MBD5: variants seen among roughly 807,000 people sequenced by gnomAD.
The protein encoded by MBD5 is methyl-CpG-binding domain protein 5.
MBD5 carries 13 observed loss-of-function variants against 117.3 expected under a neutral mutation model. The observed-to-expected ratio is 0.11, with a 90% CI of 0.07 to 0.18. The LOEUF is 0.18. Ranked by LOEUF, MBD5 falls within the 10% of genes least tolerant of loss-of-function variation. The pLI is 1.00. For synonymous variants in MBD5, 727 were observed against 766.4 expected, an observed-to-expected ratio of 0.95 and a Z score of 0.85; for missense variants, 1,879 against 2,093.8, an observed-to-expected ratio of 0.90 and a Z score of 2.00.
At chr2:148,080,853 A>G (rs570974772) in intron 1 of MBD5, among the ~76,000 whole-genome samples, 1 of 152,156 alleles carries the variant, frequency 6.6e-6, no homozygotes, top group Non-Finnish European at 1.5e-5. Context: ...GAGTGATTGT[A>G]TTAAGGTGCT....
Position 148,194,983 on chromosome 2 carries a change from A to G in MBD5, c.-831+16190A>G, listed in dbSNP as rs191898133. ...AAACTTTTTATTAAAAGGACACATT[A>G]TAACTATTTTAAGATTAAGGTCCAT... On this transcript the variant is annotated intron_variant, in intron 2 of 13. Coordinates refer to ENST00000642680, the MANE Select transcript of MBD5 (RefSeq NM_001378120.1). Among the ~76,000 whole-genome samples, 1,060 of 152,320 alleles carry G rather than the reference A, an allele frequency of 7.0e-3. 35 individuals carry two copies. The highest frequency in any genetic ancestry group is 0.063 in the Admixed American group (969 of 15,290).
chr2:148,128,959 C>A (rs1042554110), intron 1 of MBD5, among the ~76,000 whole-genome samples: 2 of 152,108 alleles, frequency 1.3e-5, no homozygotes, highest in Non-Finnish European at 2.9e-5. Flanking sequence ...CATAACTTTG[C>A]AAAGATCTAG....
At chr2:148,382,986 G>T (rs1481368873) in intron 4 of MBD5, among the ~76,000 whole-genome samples, 1 of 151,268 alleles carries the variant, frequency 6.6e-6, no homozygotes, top group Non-Finnish European at 1.5e-5. Flanking sequence ...AGCACTAAAT[G>T]CCCACAAGAG....
At chr2:148,459,681 G>A (rs1707005839) in intron 5 of MBD5, among the ~76,000 whole-genome samples, 1 of 152,274 alleles carries the variant, frequency 6.6e-6, no homozygotes, top group East Asian at 1.9e-4. Flanking sequence ...TACTTTCAGT[G>A]TGGCTATTTA....
At chr2:148,169,608 A>G (rs1441255872) in intron 1 of MBD5, among the ~76,000 whole-genome samples, 1 of 152,146 alleles carries the variant, frequency 6.6e-6, no homozygotes, top group Admixed American at 6.5e-5. Flanking sequence ...GATCTGATAG[A>G]CATTTTTAGA....
At chr2:148,146,615 GCT>G (rs1214766809) in intron 1 of MBD5, among the ~76,000 whole-genome samples, 1 of 151,992 alleles carries the variant, frequency 6.6e-6, no homozygotes, top group East Asian at 1.9e-4. Flanking sequence ...AGTTTGTTGA[GCT>G]TCTTGGGTAC....
chr2:148,253,491 C>T (rs1021207162), intron 3 of MBD5, among the ~76,000 whole-genome samples: 1 of 152,288 alleles, frequency 6.6e-6, no homozygotes, highest in Non-Finnish European at 1.5e-5. Flanking sequence ...CTCAGAGATA[C>T]TGCAGGTTCG....
At chr2:148,134,035 A>G (rs1470417323) in intron 1 of MBD5, among the ~76,000 whole-genome samples, 1 of 152,192 alleles carries the variant, frequency 6.6e-6, no homozygotes, top group Admixed American at 6.5e-5. Context: ...TGTGAATTTC[A>G]TAGACATTCC....
At chr2:148,496,033 T>C (rs1288177870) in intron 11 of MBD5, among the ~76,000 whole-genome samples, 1 of 152,250 alleles carries the variant, frequency 6.6e-6, no homozygotes, top group Admixed American at 6.5e-5. Context: ...TCTGTGTTTA[T>C]CAGTGTTAGC....
At chr2:148,069,169 A>T (rs1469267560) in intron 1 of MBD5, among the ~76,000 whole-genome samples, 1 of 152,196 alleles carries the variant, frequency 6.6e-6, no homozygotes, top group Non-Finnish European at 1.5e-5. Flanking sequence ...TTGCATTCCA[A>T]ACCTTTTGTT....
rs185777710 is a variant in MBD5, at chr2:148,259,157, C to T, written c.-680+25762C>T. On this transcript the variant is annotated intron_variant, in intron 3 of 13. Coordinates refer to ENST00000642680, the MANE Select transcript of MBD5 (RefSeq NM_001378120.1). ...ACAGTTTCAGGTATTTCACCAGTGT[C>T]GTCCCACATAGTCCGTATGGCTGCC... 3.3e-5 allele frequency among the ~76,000 whole-genome samples: 5 copies of T among 152,280 alleles called. No homozygotes were observed. The East Asian group carries it at 5.8e-4, about 18-fold the overall frequency.
chr2:148,074,586 T>C (rs1695453973), intron 1 of MBD5, among the ~76,000 whole-genome samples: 1 of 147,196 alleles, frequency 6.8e-6, no homozygotes, highest in African/African-American at 2.5e-5. Context: ...CTGCAACCTC[T>C]GCCCTCCCCG....
At chr2:148,172,897 G>T (rs1698295001) in intron 1 of MBD5, among the ~76,000 whole-genome samples, 2 of 152,058 alleles carry the variant, frequency 1.3e-5, no homozygotes, top group African/African-American at 2.4e-5. Flanking sequence ...ACCCACCATG[G>T]GTCTCCTCGC....
At chr2:148,389,831 T>G (rs565542965) in intron 4 of MBD5, among the ~76,000 whole-genome samples, 1 of 152,204 alleles carries the variant, frequency 6.6e-6, no homozygotes, top group Non-Finnish European at 1.5e-5. Flanking sequence ...TTCTGGATAT[T>G]AGACCTTTGT....
intron 4 of MBD5, among the ~76,000 whole-genome samples, chr2:148,412,334 T>G (rs556608162): frequency 2.0e-3 from 308 of 150,426 alleles, no homozygotes; most frequent in Admixed American, 4.6e-3. Context: ...TGTATATATA[T>G]AGAGAGAGAG....
At chr2:148,457,691 G>A (rs1406786254) in intron 4 of MBD5, among the ~76,000 whole-genome samples, 1 of 151,994 alleles carries the variant, frequency 6.6e-6, no homozygotes, top group African/African-American at 2.4e-5. Flanking sequence ...CTTATATTTG[G>A]AAAAGTACTA....
At chr2:148,420,697 ATGTTTTGTTTTGTTTTGTTTTGTTT>A (rs3076613) in intron 4 of MBD5, among the ~76,000 whole-genome samples, 1 of 147,372 alleles carries the variant, frequency 6.8e-6, no homozygotes, top group Non-Finnish European at 1.5e-5. Context: ...CTGATAAGTC[ATGTTTTGTTTTGTTTTGTTTTGTTT>A]TGTTTTGTTT....
intron 3 of MBD5, among the ~76,000 whole-genome samples, chr2:148,303,913 A>G (rs138968605): frequency 5.4e-4 from 83 of 152,332 alleles, no homozygotes; most frequent in Non-Finnish European, 9.1e-4. Context: ...CATTTTTAAT[A>G]GAGATTAAAG....
intron 1 of MBD5, among the ~76,000 whole-genome samples, chr2:148,066,416 C>T (rs911646776): frequency 2.6e-5 from 4 of 151,856 alleles, no homozygotes; most frequent in Non-Finnish European, 5.9e-5. Context: ...TACTTCCTCA[C>T]TATAGTATTT....
Sources: gnomAD v4.1 joint callset for allele counts (sites outside exome capture counted in the v4.1 genomes callset) on GRCh38, gnomAD v4.1.1 for gene constraint, MANE v1.5 for transcripts, NCBI Gene and HGNC (gene_info 2026-07-23, HGNC 2026-07-21) for gene names.